Variants in LRRK2 observed in about 807,000 individuals in gnomAD.
LRRK2 encodes leucine rich repeat kinase 2.
A neutral mutation model predicts 302.6 loss-of-function variants in LRRK2; 203 were observed. That is an observed-to-expected ratio of 0.67 (90% CI 0.60 to 0.75). The LOEUF (loss-of-function observed/expected upper bound fraction) is 0.75, where lower values mean the gene tolerates loss of function less well. Ranked by LOEUF, LRRK2 falls within the 30% of genes least tolerant of loss-of-function variation. LRRK2 has a pLI of 0.00. For synonymous variants in LRRK2, 1,066 were observed against 1,031.9 expected (o/e 1.03, Z -0.63); for missense variants, 2,830 against 2,951.0 (o/e 0.96, Z 0.95).
rs1946905752 is a variant in LRRK2, at chr12:40,367,237, A to G, written c.7462+160A>G. On this transcript the variant is annotated intron_variant, in intron 50 of 50. Transcript: ENST00000298910. ...AAAGAACTTAGACATAAATTTTCAA[A>G]ATTACAAGTGATATGAAGTGTTAAA... is the stretch of plus-strand genomic sequence containing the variant. The G allele has an allele frequency of 7.8e-6, 5 of 638,258 alleles. No individual in the cohort carries two copies. The South Asian group carries it at 1.0e-4, about 13-fold the overall frequency. The allele number at this position is 638,258 out of a possible 1,614,324, so 39.5% of individuals were successfully genotyped here. A position where few individuals can be genotyped will look rare whatever the true frequency, so the allele number is the denominator to read the frequency against.
intron 16 of LRRK2, among the ~76,000 whole-genome samples, chr12:40,276,092 T>A (rs2136613275): frequency 6.6e-6 from 1 of 152,332 alleles, no homozygotes; most frequent in South Asian, 2.1e-4. Context: ...TTATAACTGC[T>A]TTTCATAATG....
intron 18 of LRRK2, among the ~76,000 whole-genome samples, chr12:40,280,394 C>G (rs185766403): frequency 1.3e-5 from 2 of 151,562 alleles, no homozygotes; most frequent in African/African-American, 4.8e-5. Context: ...GAAGTCAAGG[C>G]GGGAGGATCA....
intron 11 of LRRK2, among the ~76,000 whole-genome samples, chr12:40,254,700 G>A (rs573432451): frequency 2.6e-5 from 4 of 152,230 alleles, no homozygotes; most frequent in South Asian, 2.1e-4. Flanking sequence ...GTGAAATTTC[G>A]ACTGCTTCCT....
intron 21 of LRRK2, 111 bp from the exon 22 acceptor site, chr12:40,294,734 C>A (rs1178233434): frequency 1.7e-6 from 1 of 597,926 alleles, no homozygotes; most frequent in Non-Finnish European, 2.9e-6. Flanking sequence ...TATTTTTTCC[C>A]ATAATTATAA....
chr12:40,312,312 T>C (rs7136481), intron 31 of LRRK2, among the ~76,000 whole-genome samples: 2,999 of 152,218 alleles, frequency 0.02, 103 homozygotes, highest in African/African-American at 0.066. Flanking sequence ...AAAGTATATA[T>C]TGCTAATGGA....
At chr12:40,244,860 G>A (rs1941905600) in intron 7 of LRRK2, among the ~76,000 whole-genome samples, 1 of 151,718 alleles carries the variant, frequency 6.6e-6, no homozygotes, top group Non-Finnish European at 1.5e-5. Context: ...TTGTACACAT[G>A]TACCCTAAAA....
In LRRK2 at chr12:40,304,078, G is replaced by C. The variant is rs767609721; in HGVS notation, c.3721G>C (p.Ala1241Pro). Reference sequence around the variant, plus strand: ...CAGCATCTTGGACTTGAGTGAAAAAGCATATTTATGGTCTAGAGTAGAGAA... The same window carrying C: ...CAGCATCTTGGACTTGAGTGAAAAACCATATTTATGGTCTAGAGTAGAGAA... Reference protein sequence around the residue: ...QISILDLSEKAYLWSRVEKLH... With the variant: ...QISILDLSEKPYLWSRVEKLH... The change falls in exon 27 of 51, where the codon GCA (alanine) becomes CCA (proline). Residue 1241 changes from alanine to proline, a missense_variant. Coordinates refer to ENST00000298910, the MANE Select transcript of LRRK2 (RefSeq NM_198578.4). The C allele has an allele frequency of 6.2e-7, 1 of 1,613,626 alleles. No homozygotes were observed. Among genetic ancestry groups the C allele is most frequent in the Non-Finnish European group, 8.5e-7 (1 of 1,179,720 alleles).
Position 40,289,920 on chromosome 12 carries a change from CT to C in LRRK2, c.2689+2390del, listed in dbSNP as rs201253906. 2.1e-4 allele frequency among the ~76,000 whole-genome samples: 32 copies of C among 151,148 alleles called. No individual in the cohort carries two copies. In the East Asian group the frequency reaches 6.0e-3, roughly 28 times the overall value. ...TTTTCTTTTCTAATATTTATGTCTT[CT>C]TTTTTTTTCTTGTCCTATTGCACTG... On this transcript the variant is annotated intron_variant, in intron 20 of 50. Transcript: ENST00000298910.
At position 40,284,066 on chromosome 12, in the gene LRRK2, A is replaced by G; in HGVS notation, c.2433A>G (p.Gly811=). ...NSICLGGFCI[G]KVEPSWLGPL... is the part of the protein sequence containing the mutation. ...TTTGCCTTGGAGGATTTTGTATAGG[A>G]AAAGTTGAACCTTCTTGGCTTGGTC... The change falls in exon 19 of 51, where the codon GGA becomes GGG. Residue 811 remains glycine (G), a synonymous_variant. Transcript: ENST00000298910. 6.2e-7 allele frequency: 1 copy of G among 1,613,574 alleles called. No individual in the cohort carries two copies. The highest frequency in any genetic ancestry group is 8.5e-7 in the Non-Finnish European group (1 of 1,179,604).
At chr12:40,292,765 A>G (rs1013994336) in intron 20 of LRRK2, among the ~76,000 whole-genome samples, 1 of 151,920 alleles carries the variant, frequency 6.6e-6, no homozygotes, top group Admixed American at 6.6e-5. Flanking sequence ...GGAATTTAAA[A>G]TCATAATTAA....
rs201119482 is a variant in LRRK2 at position 40,335,140 on chromosome 12, C to T, written c.5931C>T (p.His1977=). Residue 1977 remains histidine (H), a synonymous_variant, in exon 40 of 51, where the codon CAC becomes CAT. Transcript: ENST00000298910. ...TRTLQHRIAL[H]VADGLRYLHS... is the part of the protein sequence containing the mutation. ...CCCTACAGCACAGGATTGCACTCCA[C>T]GTAGCTGATGGTTTGAGGTAAGTAG... is the stretch of plus-strand genomic sequence containing the variant. The T allele has an allele frequency of 3.1e-5, 50 of 1,614,040 alleles. No individual in the cohort carries two copies. Among genetic ancestry groups the T allele is most frequent in the East Asian group, 6.7e-5 (3 of 44,886 alleles).
At chr12:40,272,494 T>C (rs1943273765) in intron 14 of LRRK2, among the ~76,000 whole-genome samples, 1 of 152,184 alleles carries the variant, frequency 6.6e-6, no homozygotes. Flanking sequence ...GGTGAATACA[T>C]ATGAAGTTCT....
chr12:40,341,161 A>T (rs1484544627), intron 41 of LRRK2, among the ~76,000 whole-genome samples: 1 of 138,392 alleles, frequency 7.2e-6, no homozygotes, highest in Non-Finnish European at 1.6e-5. Context: ...CAGGAAGTAA[A>T]TCATTTAGGG....
Position 40,298,243 on chromosome 12 carries a change from ACT to A in LRRK2, c.3100_3101del (p.Leu1034GlufsTer11). On this transcript the variant is annotated frameshift_variant and splice_region_variant, in exon 24 of 51. Transcript: ENST00000298910. LOFTEE classifies it high-confidence loss of function. ...GAATTTTAAACTATTGTCTTTTCAG[ACT>A]CTGAAGAGTTTGACACATTTGGACT... ...LTSFPQQLCE[T>X]LKSLTHLDLH... The A allele has an allele frequency of 6.2e-7, 1 of 1,613,034 alleles. No homozygotes were observed. The highest frequency in any genetic ancestry group is 8.5e-7 in the Non-Finnish European group (1 of 1,179,802).
rs1309865401 is a variant in LRRK2, at chr12:40,298,794, TATATAA to T, written c.3347+302_3347+307del. Among the ~76,000 whole-genome samples the T allele has an allele frequency of 3.4e-5, 4 of 118,488 alleles. 1 individual carries two copies. In the East Asian group the frequency reaches 8.7e-4, roughly 26 times the overall value. The allele number at this position is 118,488 out of a possible 152,430, so 77.7% of individuals were successfully genotyped here. Reference sequence around the variant, plus strand: ...TCTCAAAGAAATATATATATATATATATATAATATATGTATTATAATATATAATACA... The same window carrying T: ...TCTCAAAGAAATATATATATATATATTATATGTATTATAATATATAATACA... On this transcript the variant is annotated intron_variant, in intron 24 of 50. Transcript: ENST00000298910.
At chr12:40,319,162 T>C (rs1327900553) in intron 33 of LRRK2, among the ~76,000 whole-genome samples, 2 of 152,056 alleles carry the variant, frequency 1.3e-5, no homozygotes, top group African/African-American at 4.8e-5. Context: ...AATTGGAATA[T>C]ATAGATAAAT....
chr12:40,253,311 A>T (rs1453221231), intron 11 of LRRK2, among the ~76,000 whole-genome samples: 1 of 152,176 alleles, frequency 6.6e-6, no homozygotes, highest in Non-Finnish European at 1.5e-5. Context: ...ACTCTTTTAT[A>T]ACCAAATTTT....
intron 3 of LRRK2, among the ~76,000 whole-genome samples, chr12:40,233,236 A>C (rs752081529): frequency 1.3e-5 from 2 of 152,132 alleles, no homozygotes; most frequent in African/African-American, 4.8e-5. Flanking sequence ...CAAACAAACA[A>C]ACCTTTTGTC....
intron 35 of LRRK2, among the ~76,000 whole-genome samples, 158 bp downstream of exon 35, chr12:40,321,346 A>G (rs985922127): frequency 6.6e-6 from 1 of 152,042 alleles, no homozygotes; most frequent in Non-Finnish European, 1.5e-5. Flanking sequence ...AAATAAGCTC[A>G]TAAAACCTTG....
Sources: allele counts gnomAD v4.1 joint callset (sites outside exome capture counted in the v4.1 genomes callset), GRCh38; gene constraint gnomAD v4.1.1; transcripts MANE v1.5; gene names NCBI Gene and HGNC (gene_info 2026-07-23, HGNC 2026-07-21).